The following PRR4 variants were observed in gnomAD, a reference collection of about 807,000 sequenced individuals.
PRR4 encodes proline-rich protein 4.
PRR4 carries 7 observed loss-of-function variants against 7.6 expected under a neutral mutation model. That is an observed-to-expected ratio of 0.92 (90% CI 0.52 to 1.73). The LOEUF is 1.73. Ranked by LOEUF, PRR4 falls within the 40% of genes most tolerant of loss-of-function variation. The probability of loss-of-function intolerance (pLI) is 0.00; values close to 1 mark genes in which losing one functional copy is unlikely to be tolerated. For synonymous variants in PRR4, 64 were observed against 58.5 expected (o/e 1.09, Z -0.43); for missense variants, 187 against 161.0 (o/e 1.16, Z -0.87).
At position 10,845,889 on chromosome 12, in the gene PRR4, G is replaced by T. The variant is rs1949009949; in HGVS notation, c.*80C>A. 2 of 1,250,108 alleles carry T rather than the reference G, an allele frequency of 1.6e-6. No homozygotes were observed. Among genetic ancestry groups the T allele is most frequent in the East Asian group, 2.7e-5 (1 of 37,014 alleles). The allele number at this position is 1,250,108 out of a possible 1,614,324, so 77.4% of individuals were successfully genotyped here. A position where few individuals can be genotyped will look rare whatever the true frequency, so the allele number is the denominator to read the frequency against. On this transcript the variant is annotated 3_prime_UTR_variant, in exon 4 of 4. Coordinates refer to ENST00000228811, the MANE Select transcript of PRR4 (RefSeq NM_007244.3). Reference sequence around the variant, plus strand: ...ATTTTATTGGTATACTGAAGAAAGAGTTATGACCACATTATTTCAATGTCA... The same window carrying T: ...ATTTTATTGGTATACTGAAGAAAGATTTATGACCACATTATTTCAATGTCA...
chr12:10,846,846 A>C (rs1400365725), intron 3 of PRR4, 199 bp downstream of exon 3: 1 of 509,308 alleles, frequency 2.0e-6, no homozygotes, highest in Admixed American at 3.9e-5. Flanking sequence ...TCAGTATTTC[A>C]AAAGATAAGA....
At chr12:10,848,289 GA>G (rs1359241582) in intron 2 of PRR4, 82 bp downstream of exon 2, 1 of 1,395,172 alleles carries the variant, frequency 7.2e-7, no homozygotes, top group African/African-American at 1.5e-5. Context: ...AAAATGATGA[GA>G]AGAAGACACT....
Position 10,847,203 on chromosome 12 carries a change from G to T in PRR4, c.265C>A (p.Gln89Lys). 1 of 1,613,806 alleles carries T rather than the reference G, an allele frequency of 6.2e-7. No homozygotes were observed. The highest frequency in any genetic ancestry group is 1.3e-5 in the African/African-American group (1 of 75,006). The change falls in exon 3 of 4, where the codon CAA becomes AAA. Residue 89 changes from glutamine (Q) to lysine (K), a missense_variant. Coordinates refer to ENST00000228811, the MANE Select transcript of PRR4 (RefSeq NM_007244.3). ...HHRHPPPPPF[Q>K]NQQRPPRRGH... Reference sequence around the variant, plus strand: ...CGTCGGGGTGGTCGTTGCTGATTTTGAAAAGGAGGTGGGGGAGGATGGCGG... The same window carrying T: ...CGTCGGGGTGGTCGTTGCTGATTTTTAAAAGGAGGTGGGGGAGGATGGCGG...
Position 10,848,250 on chromosome 12 carries a change from C to T in PRR4, c.100+122G>A, listed in dbSNP as rs1409313114. ...TTAGGGGCACTAATATTAATCAATG[C>T]CTGACCCCTCTTACCACCTCCTCCC... On this transcript the variant is annotated intron_variant, in intron 2 of 3. Coordinates refer to ENST00000228811, the MANE Select transcript of PRR4 (RefSeq NM_007244.3). 8.9e-6 allele frequency: 8 copies of T among 897,158 alleles called. No individual in the cohort carries two copies. The East Asian group carries it at 2.1e-4, about 24-fold the overall frequency. 55.6% of individuals were successfully genotyped at this position (897,158 alleles called of 1,614,324 possible). A position where few individuals can be genotyped will look rare whatever the true frequency, so the allele number is the denominator to read the frequency against.
chr12:10,847,188 G>A lies in PRR4; in HGVS notation c.280C>T (p.Pro94Ser), dbSNP rs753642158. The A allele has an allele frequency of 1.2e-6, 2 of 1,613,730 alleles. No individual in the cohort carries two copies. The highest frequency in any genetic ancestry group is 1.7e-6 in the Non-Finnish European group (2 of 1,179,888). ...AGTTGACGGTGTCCTCGTCGGGGTG[G>A]TCGTTGCTGATTTTGAAAAGGAGGT... is the stretch of plus-strand genomic sequence containing the variant. ...PPPPFQNQQRPPRRGHRQLSL... is the reference protein window; with the variant it reads ...PPPPFQNQQRSPRRGHRQLSL... The change falls in exon 3 of 4, where the codon CCA (proline) becomes TCA (serine). Residue 94 changes from proline (P) to serine (S), a missense_variant. Coordinates refer to ENST00000228811, the MANE Select transcript of PRR4 (RefSeq NM_007244.3).
rs1468910126 is a variant in PRR4, at chr12:10,848,267, C to T, written c.100+105G>A. 2.2e-5 allele frequency: 26 copies of T among 1,161,062 alleles called. No individual in the cohort carries two copies. In the Admixed American group the frequency reaches 5.5e-4, roughly 25 times the overall value. The allele number at this position is 1,161,062 out of a possible 1,614,324, so 71.9% of individuals were successfully genotyped here. On this transcript the variant is annotated intron_variant, in intron 2 of 3. Coordinates refer to ENST00000228811, the MANE Select transcript of PRR4 (RefSeq NM_007244.3). ...AATCAATGCCTGACCCCTCTTACCA[C>T]CTCCTCCCAAAAAAATGATGAGAAG...
At position 10,848,378 on chromosome 12, in the gene PRR4, T is replaced by C. The variant is rs763841602; in HGVS notation, c.94A>G (p.Ile32Val). The C allele has an allele frequency of 1.9e-6, 3 of 1,609,316 alleles. No individual in the cohort carries two copies. The highest frequency in any genetic ancestry group is 2.6e-6 in the Non-Finnish European group (3 of 1,175,850). Residue 32 changes from isoleucine to valine, a missense_variant, in exon 2 of 4, where the codon ATA becomes GTA. Transcript: ENST00000228811. ...GAGGATCATTGGGATTTACCTGGTA[T>C]GGTGAAAGTAAAGTCTTCATAGTTC... ...DVNYEDFTFT[I>V]PDVEDSSQRP...
chr12:10,848,294 A>T, intron 2 of PRR4, 78 bp downstream of exon 2: 1 of 1,423,016 alleles, frequency 7.0e-7, no homozygotes, highest in Non-Finnish European at 9.8e-7. Context: ...GATGAGAAGA[A>T]GACACTGAAG....
chr12:10,846,997 G>T, intron 3 of PRR4, 48 bp downstream of exon 3: 2 of 1,428,164 alleles, frequency 1.4e-6, no homozygotes, highest in East Asian at 2.3e-5. Context: ...TAAAGTTTGG[G>T]AATGGTAGCA....
At position 10,847,246 on chromosome 12, in the gene PRR4, T is replaced by C. The variant is rs1451810995; in HGVS notation, c.222A>G (p.Pro74=). The C allele has an allele frequency of 6.2e-7, 1 of 1,613,592 alleles. No individual in the cohort carries two copies. Among genetic ancestry groups the C allele is most frequent in the African/African-American group, 1.3e-5 (1 of 74,872 alleles). Residue 74 remains proline (P), a synonymous_variant, in exon 3 of 4, where the codon CCA becomes CCG. Coordinates refer to ENST00000228811, the MANE Select transcript of PRR4 (RefSeq NM_007244.3). ...GATGGCGGTGATGGCCTCCTGGTTT[T>C]GGTGGTCTCTGCTGAGGACCATCAT... ...NQDDGPQQRP[P]KPGGHHRHPP...
chr12:10,847,429 T>C (rs1002375718), intron 2 of PRR4, 62 bp from the exon 3 acceptor site: 3 of 1,300,162 alleles, frequency 2.3e-6, no homozygotes, highest in Non-Finnish European at 3.1e-6. Flanking sequence ...CTCCTCTCTT[T>C]ATACTTCTCT....
At chr12:10,847,022 T>C (rs1287678764) in intron 3 of PRR4, 23 bp downstream of exon 3, 1 of 1,505,228 alleles carries the variant, frequency 6.6e-7, no homozygotes, top group Non-Finnish European at 8.9e-7. Context: ...GGGCATTTAA[T>C]GGAGAATGAA....
intron 2 of PRR4, among the ~76,000 whole-genome samples, chr12:10,847,661 G>GA (rs200802133): frequency 3.8e-3 from 464 of 123,508 alleles, no homozygotes; most frequent in East Asian, 5.7e-3. Flanking sequence ...TCCAAGGACA[G>GA]AAAAAAAAAA....
At position 10,847,191 on chromosome 12, in the gene PRR4, G is replaced by T. The variant is rs200314617; in HGVS notation, c.277C>A (p.Arg93=). The change falls in exon 3 of 4, where the codon CGA becomes AGA. Residue 93 remains arginine, a synonymous_variant. Transcript: ENST00000228811. ...PPPPPFQNQQ[R]PPRRGHRQLS... is the part of the protein sequence containing the mutation. The stretch of plus-strand genomic sequence containing the variant: ...TGACGGTGTCCTCGTCGGGGTGGTC[G>T]TTGCTGATTTTGAAAAGGAGGTGGG... 6.2e-7 allele frequency: 1 copy of T among 1,613,740 alleles called. No homozygotes were observed.
At position 10,847,260 on chromosome 12, in the gene PRR4, G is replaced by A. The variant is rs1565430614; in HGVS notation, c.208C>T (p.Gln70Ter). The A allele has an allele frequency of 8.1e-6, 13 of 1,613,184 alleles. No individual in the cohort carries two copies. Among genetic ancestry groups the A allele is most frequent in the Non-Finnish European group, 1.1e-5 (13 of 1,179,470 alleles). ...CCTCCTGGTTTTGGTGGTCTCTGCT[G>A]AGGACCATCATCTTGGTTACCACTA... is the stretch of plus-strand genomic sequence containing the variant. ...GDSGNQDDGP[Q>*]QRPPKPGGHH... Residue 70 changes from glutamine to a stop codon, truncating the protein, a stop_gained, in exon 3 of 4, where the codon CAG becomes TAG. Coordinates refer to ENST00000228811, the MANE Select transcript of PRR4 (RefSeq NM_007244.3). LOFTEE classifies it low-confidence loss of function (END_TRUNC).
intron 2 of PRR4, 55 bp from the exon 3 acceptor site, chr12:10,847,422 C>T (rs1286328397): frequency 1.5e-6 from 2 of 1,347,196 alleles, no homozygotes; most frequent in Non-Finnish European, 2.0e-6. Flanking sequence ...AAAAACTCTC[C>T]TCTCTTTATA....
rs1407506883 is a variant in PRR4 at position 10,845,892 on chromosome 12, A to G, written c.*77T>C. The G allele has an allele frequency of 1.6e-6, 2 of 1,262,576 alleles. No homozygotes were observed. Among genetic ancestry groups the G allele is most frequent in the Non-Finnish European group, 2.1e-6 (2 of 962,050 alleles). The allele number at this position is 1,262,576 out of a possible 1,614,324, so 78.2% of individuals were successfully genotyped here. ...TTATTGGTATACTGAAGAAAGAGTT[A>G]TGACCACATTATTTCAATGTCATGG... On this transcript the variant is annotated 3_prime_UTR_variant, in exon 4 of 4. Transcript: ENST00000228811.
At position 10,847,122 on chromosome 12, in the gene PRR4, A is replaced by T. The variant is rs1381780138; in HGVS notation, c.346T>A (p.Ser116Thr). ...GGTCTGTCCCTCTGGAAGAATGATG[A>T]TGCTTCCTGCAGGCTGACAGAAGGA... ...RFPSVSLQEA[S>T]SFFQRDRPAR... The change falls in exon 3 of 4, where the codon TCA becomes ACA. Residue 116 changes from serine to threonine, a missense_variant. Physicochemically the swap from Ser to Thr is moderately conservative, Grantham distance 58 (BLOSUM62 1). Coordinates refer to ENST00000228811, the MANE Select transcript of PRR4 (RefSeq NM_007244.3). The T allele has an allele frequency of 1.9e-6, 3 of 1,612,898 alleles. No homozygotes were observed. The highest frequency in any genetic ancestry group is 3.3e-4 in the Middle Eastern group (2 of 6,054).
chr12:10,848,452 C>A lies in PRR4; in HGVS notation c.65-45G>T. On this transcript the variant is annotated intron_variant, in intron 1 of 3. Coordinates refer to ENST00000228811, the MANE Select transcript of PRR4 (RefSeq NM_007244.3). ...ATGAAGTGAACATTACCTCATAAATCTTTCAGGGCTCATAGTGGTCTATAG... is the reference window on the plus strand; with the variant it reads ...ATGAAGTGAACATTACCTCATAAATATTTCAGGGCTCATAGTGGTCTATAG... The A allele has an allele frequency of 2.5e-6, 4 of 1,584,064 alleles. No individual in the cohort carries two copies. In the South Asian group the frequency reaches 3.4e-5, roughly 13 times the overall value.
Sources: allele counts gnomAD v4.1 joint callset (sites outside exome capture counted in the v4.1 genomes callset), GRCh38; gene constraint gnomAD v4.1.1; transcripts MANE v1.5; gene names NCBI Gene and HGNC (gene_info 2026-07-23, HGNC 2026-07-21).